DMD: variants seen among roughly 807,000 people sequenced by gnomAD.
DMD encodes mutant dystrophin.
A neutral mutation model predicts 330.1 loss-of-function variants in DMD; 63 were observed. That is an observed-to-expected ratio of 0.19 (90% confidence interval 0.16 to 0.24). DMD has a LOEUF of 0.24. Among genes scored for constraint, DMD ranks in the 10% least tolerant of loss-of-function variants. The pLI, the probability that DMD is intolerant of heterozygous loss-of-function variation, is 1.00. For synonymous variants in DMD, 1,223 were observed against 959.8 expected (o/e 1.27, Z -5.07); for missense variants, 3,344 against 2,684.1 (o/e 1.25, Z -5.43).
rs953160080 is a variant in DMD, at chrX:31,667,308, C to T, written c.7873-9164G>A. 2.7e-5 allele frequency among the ~76,000 whole-genome samples: 3 copies of T among 111,748 alleles called. No individual in the cohort carries two copies. In the East Asian group the frequency reaches 8.4e-4, roughly 31 times the overall value. On this transcript the variant is annotated intron_variant, in intron 53 of 78. Coordinates refer to ENST00000357033, the MANE Select transcript of DMD (RefSeq NM_004006.3). ...ATATTCCATTTTTGGATGTAGAGGA[C>T]ATTTTAAAATTTATTCATTAGCTGA... is the stretch of plus-strand genomic sequence containing the variant.
chrX:32,832,314 G>T (rs1048707492), intron 4 of DMD, among the ~76,000 whole-genome samples: 1 of 111,273 alleles, frequency 9.0e-6, no homozygotes, highest in Non-Finnish European at 1.9e-5. Context: ...TCCTTAAACA[G>T]AATCTTAAAC....
At chrX:32,131,289 A>G (rs1047454743) in intron 44 of DMD, among the ~76,000 whole-genome samples, 1 of 112,632 alleles carries the variant, frequency 8.9e-6, no homozygotes, top group Non-Finnish European at 1.9e-5. Flanking sequence ...CTTCTGATTC[A>G]TTCCTGTAAT....
intron 7 of DMD, among the ~76,000 whole-genome samples, chrX:32,783,324 T>C (rs866628004): frequency 3.9e-5 from 4 of 101,341 alleles, no homozygotes; most frequent in African/African-American, 1.1e-4. Context: ...GGTATATATA[T>C]ACACACATAT....
At chrX:32,281,331 G>T (rs181634707) in intron 43 of DMD, among the ~76,000 whole-genome samples, 117 of 112,317 alleles carry the variant, frequency 1.0e-3, no homozygotes, top group Middle Eastern at 4.6e-3. Flanking sequence ...GAACAATGCG[G>T]TATGCTTTTC....
chrX:33,153,840 A>G (rs2048382616), intron 1 of DMD, among the ~76,000 whole-genome samples: 1 of 112,105 alleles, frequency 8.9e-6, no homozygotes, highest in Non-Finnish European at 1.9e-5. Context: ...TTCTCTTTTA[A>G]TAGATGAAAA....
chrX:32,140,408 C>A (rs1175366395), intron 44 of DMD, among the ~76,000 whole-genome samples: 1 of 111,960 alleles, frequency 8.9e-6, no homozygotes, highest in African/African-American at 3.2e-5. Flanking sequence ...CAAAAATCGT[C>A]AACACTGGGA....
intron 44 of DMD, among the ~76,000 whole-genome samples, chrX:32,073,873 T>G (rs1281597054): frequency 1.8e-5 from 2 of 111,507 alleles, no homozygotes; most frequent in Admixed American, 9.6e-5. Context: ...GCATAGCAAT[T>G]ATCTGATCTT....
intron 48 of DMD, among the ~76,000 whole-genome samples, chrX:31,864,921 C>T (rs891705060): frequency 1.8e-5 from 2 of 111,930 alleles, no homozygotes; most frequent in African/African-American, 6.5e-5. Context: ...CTAACAGAGT[C>T]CCAGGGAAAT....
intron 43 of DMD, among the ~76,000 whole-genome samples, chrX:32,270,364 C>T (rs1402388218): frequency 2.7e-5 from 3 of 112,107 alleles, no homozygotes; most frequent in African/African-American, 9.7e-5. Context: ...ATTCAGAATA[C>T]CTTTCCAAGT....
At chrX:33,218,293 T>C (rs2148871524) in intron 1 of DMD, among the ~76,000 whole-genome samples, 1 of 111,647 alleles carries the variant, frequency 9.0e-6, no homozygotes, top group African/African-American at 3.2e-5. Context: ...TGTAATTTGT[T>C]GACTCTTCTA....
intron 44 of DMD, among the ~76,000 whole-genome samples, chrX:32,040,101 TA>T (rs1400798433): frequency 1.8e-5 from 2 of 111,899 alleles, no homozygotes; most frequent in Non-Finnish European, 3.8e-5. Context: ...ACAAGATAAA[TA>T]AAAAGTATTT....
chrX:31,502,325 T>C (rs1045987007), intron 56 of DMD, among the ~76,000 whole-genome samples: 8 of 111,425 alleles, frequency 7.2e-5, no homozygotes, highest in Admixed American at 6.7e-4. Flanking sequence ...ATTTTTTTTT[T>C]CTAGACAGGT....
chrX:32,946,645 A>C (rs2146879143), intron 2 of DMD, among the ~76,000 whole-genome samples: 1 of 112,525 alleles, frequency 8.9e-6, no homozygotes, highest in Admixed American at 9.4e-5. Context: ...ATATCAAATT[A>C]ATCATATTCA....
intron 2 of DMD, among the ~76,000 whole-genome samples, chrX:32,885,842 A>AAC (rs2084499537): frequency 9.2e-6 from 1 of 108,407 alleles, no homozygotes; most frequent in South Asian, 4.0e-4. Flanking sequence ...AAAAAAAAAA[A>AAC]AAAAAAACCT....
At chrX:31,622,026 T>C (rs977110596) in intron 55 of DMD, among the ~76,000 whole-genome samples, 4 of 111,730 alleles carry the variant, frequency 3.6e-5, no homozygotes, top group African/African-American at 1.3e-4. Flanking sequence ...TGGGCAGAGA[T>C]ATTTTTAAAA....
intron 55 of DMD, among the ~76,000 whole-genome samples, chrX:31,611,874 AT>A (rs897024430): frequency 9.0e-6 from 1 of 110,723 alleles, no homozygotes; most frequent in Admixed American, 9.7e-5. Context: ...TAGCCTTTAA[AT>A]TTTTTTTATG....
At chrX:32,312,968 C>CAAAA in intron 41 of DMD, among the ~76,000 whole-genome samples, 1 of 44,591 alleles carries the variant, frequency 2.2e-5, no homozygotes, top group Non-Finnish European at 5.4e-5. Context: ...AAAAAAAGCC[C>CAAAA]AGGACCAGAC....
At chrX:33,029,835 G>A (rs2094074545) in intron 1 of DMD, among the ~76,000 whole-genome samples, 1 of 112,062 alleles carries the variant, frequency 8.9e-6, no homozygotes, top group Non-Finnish European at 1.9e-5. Flanking sequence ...AAGAGTATAT[G>A]AAAAGGTGTT....
chrX:32,435,298 T>TATATATATATA (rs1158324376), intron 29 of DMD, among the ~76,000 whole-genome samples: 5 of 61,681 alleles, frequency 8.1e-5, no homozygotes, highest in African/African-American at 2.0e-4. Context: ...ATATATATAT[T>TATATATATATA]TACACCCATA....
Sources: allele counts gnomAD v4.1 joint callset (sites outside exome capture counted in the v4.1 genomes callset), GRCh38; gene constraint gnomAD v4.1.1; transcripts MANE v1.5; gene names NCBI Gene and HGNC (gene_info 2026-07-23, HGNC 2026-07-21).